Variants in RAD54L observed in about 807,000 individuals in gnomAD.
RAD54L encodes the protein RAD54 like.
Under a neutral mutation model 91.6 loss-of-function variants are expected in RAD54L, and 74 were observed. That is an observed-to-expected ratio of 0.81 (90% confidence interval 0.67 to 0.98). RAD54L has a LOEUF of 0.98. Among genes scored for constraint, RAD54L ranks in the 50% least tolerant of loss-of-function variants. The pLI is 0.00. For missense variants in RAD54L, 887 were observed against 945.7 expected, an observed-to-expected ratio of 0.94 and a Z score of 0.81; for synonymous variants, 304 against 349.7, an observed-to-expected ratio of 0.87 and a Z score of 1.46.
chr1:46,273,744 G>C lies in RAD54L; in HGVS notation c.1607G>C (p.Arg536Pro). 1.2e-6 allele frequency: 2 copies of C among 1,603,304 alleles called. No homozygotes were observed. The highest frequency in any genetic ancestry group is 1.7e-6 in the Non-Finnish European group (2 of 1,174,430). Residue 536 changes from arginine (R) to proline (P), a missense_variant, in exon 14 of 18, where the codon CGA (arginine) becomes CCA (proline). Coordinates refer to ENST00000371975, the MANE Select transcript of RAD54L (RefSeq NM_003579.4). ...LDLFEKLCRA[R>P]RYLYVRLDGT... ...CTCTTTGAGAAGCTGTGCCGTGCCC[G>C]AAGGTAGGGAAGATCCTAACCAGGA...
chr1:46,276,755 C>T (rs980315055), intron 16 of RAD54L, among the ~76,000 whole-genome samples: 6 of 152,186 alleles, frequency 3.9e-5, no homozygotes, highest in South Asian at 2.1e-4. Flanking sequence ...TTTTATTTTT[C>T]GTCTCTTCGA....
intron 16 of RAD54L, among the ~76,000 whole-genome samples, chr1:46,276,079 T>C (rs1430108460): frequency 6.6e-6 from 1 of 152,232 alleles, no homozygotes; most frequent in African/African-American, 2.4e-5. Flanking sequence ...TTACCTGAGC[T>C]CTAAATCCCT....
In RAD54L at chr1:46,247,879, C is replaced by A; in HGVS notation, c.-527C>A. On this transcript the variant is annotated 5_prime_UTR_variant, in exon 1 of 18. Coordinates refer to ENST00000371975, the MANE Select transcript of RAD54L (RefSeq NM_003579.4). ...CCCCTCCTAACCTGGGTTTTTTACA[C>A]GCCCGCGTGGCTTCCTGCTCGACCT... 4.4e-6 allele frequency: 1 copy of A among 228,196 alleles called. No individual in the cohort carries two copies. The highest frequency in any genetic ancestry group is 8.9e-6 in the Non-Finnish European group (1 of 112,828). 14.1% of individuals were successfully genotyped at this position (228,196 alleles called of 1,614,324 possible). A position where few individuals can be genotyped will look rare whatever the true frequency, so the allele number is the denominator to read the frequency against.
In RAD54L at chr1:46,267,606, C is replaced by T; in HGVS notation, c.1039C>T (p.Leu347=). Residue 347 remains leucine (L), a synonymous_variant, in exon 9 of 18, where the codon CTA becomes TTA. Transcript: ENST00000371975. ...GGTACATTTTGTTAATTCCGGCATC[C>T]TAGGTAAGAATCTAGCCTTGTTTGC... ...SLVHFVNSGI[L]GTAHEFKKHF... 6.2e-7 allele frequency: 1 copy of T among 1,609,790 alleles called. No homozygotes were observed. Among genetic ancestry groups the T allele is most frequent in the South Asian group, 1.1e-5 (1 of 90,996 alleles).
At position 46,273,748 on chromosome 1, in the gene RAD54L, G is replaced by A. The variant is rs766240074; in HGVS notation, c.1610+1G>A. The A allele has an allele frequency of 4.7e-5, 76 of 1,603,280 alleles. No individual in the cohort carries two copies. The highest frequency in any genetic ancestry group is 6.0e-5 in the Non-Finnish European group (71 of 1,174,488). On this transcript the variant is annotated splice_donor_variant, in intron 14 of 17. Transcript: ENST00000371975. LOFTEE classifies it high-confidence loss of function. ...TTGAGAAGCTGTGCCGTGCCCGAAG[G>A]TAGGGAAGATCCTAACCAGGATGCC...
intron 16 of RAD54L, among the ~76,000 whole-genome samples, chr1:46,276,185 A>G (rs1200331267): frequency 6.6e-6 from 1 of 152,040 alleles, no homozygotes; most frequent in Non-Finnish European, 1.5e-5. Context: ...TGATTGATTA[A>G]CTGATTGATT....
intron 3 of RAD54L, among the ~76,000 whole-genome samples, chr1:46,257,203 TTGA>T (rs369287497): frequency 6.7e-6 from 1 of 150,218 alleles, no homozygotes; most frequent in Non-Finnish European, 1.5e-5. Flanking sequence ...TTTCTAGACA[TTGA>T]TGATGTGTGA....
intron 14 of RAD54L, 58 bp from the exon 15 acceptor site, chr1:46,274,080 T>G (rs1660518250): frequency 6.7e-7 from 1 of 1,496,330 alleles, no homozygotes; most frequent in African/African-American, 1.4e-5. Flanking sequence ...TTATTTTTAA[T>G]TTTTTTTCCC....
At position 46,273,757 on chromosome 1, in the gene RAD54L, A is replaced by ATCCTAACC. The variant is rs1332476492; in HGVS notation, c.1610+11_1610+18dup. ...TGTGCCGTGCCCGAAGGTAGGGAAG[A>ATCCTAACC]TCCTAACCAGGATGCCAAAGGGGGA... On this transcript the variant is annotated intron_variant, in intron 14 of 17. Coordinates refer to ENST00000371975, the MANE Select transcript of RAD54L (RefSeq NM_003579.4). The ATCCTAACC allele has an allele frequency of 6.3e-7, 1 of 1,598,504 alleles. No individual in the cohort carries two copies. The highest frequency in any genetic ancestry group is 8.5e-7 in the Non-Finnish European group (1 of 1,171,914).
chr1:46,275,320 C>T (rs1437743518), intron 16 of RAD54L, among the ~76,000 whole-genome samples: 1 of 152,204 alleles, frequency 6.6e-6, no homozygotes, highest in East Asian at 1.9e-4. Context: ...TAAGATCACA[C>T]CGTGGAACTT....
chr1:46,274,766 T>G, intron 16 of RAD54L, 49 bp downstream of exon 16: 1 of 1,606,536 alleles, frequency 6.2e-7, no homozygotes, highest in Non-Finnish European at 8.5e-7. Context: ...TGGAACGAGA[T>G]CTTCAGGACC....
intron 3 of RAD54L, among the ~76,000 whole-genome samples, chr1:46,256,741 T>G (rs961825779): frequency 1.3e-5 from 2 of 152,216 alleles, no homozygotes; most frequent in East Asian, 3.8e-4. Flanking sequence ...GTTATGTTAT[T>G]TAGTGTGATG....
intron 3 of RAD54L, among the ~76,000 whole-genome samples, chr1:46,257,958 G>A (rs1487126689): frequency 6.6e-6 from 1 of 152,146 alleles, no homozygotes; most frequent in African/African-American, 2.4e-5. Flanking sequence ...CAGCTGTTAG[G>A]ATTAAATGGT....
At chr1:46,272,422 G>A in intron 10 of RAD54L, 44 bp from the exon 11 acceptor site, 3 of 1,498,848 alleles carry the variant, frequency 2.0e-6, no homozygotes, top group Non-Finnish European at 2.8e-6. Flanking sequence ...TAGTTAGCAT[G>A]GCAATTTTAC....
intron 5 of RAD54L, 149 bp downstream of exon 5, chr1:46,260,248 AAGAGCCTGTGG>A (rs1285793638): frequency 1.5e-6 from 2 of 1,300,612 alleles, no homozygotes; most frequent in African/African-American, 2.9e-5. Context: ...CTGCCTGGGG[AAGAGCCTGTGG>A]TCATGTCCAG....
chr1:46,250,269 G>C (rs766982647), intron 3 of RAD54L, 150 bp downstream of exon 3: 2 of 1,109,080 alleles, frequency 1.8e-6, no homozygotes, highest in Admixed American at 1.8e-5. Context: ...CAGCTGCTGG[G>C]GCCTGCTTAG....
chr1:46,254,279 T>C lies in RAD54L; in HGVS notation c.210+4160T>C, dbSNP rs138302718. 2.1e-3 allele frequency among the ~76,000 whole-genome samples: 311 copies of C among 151,514 alleles called. 4 individuals carry two copies. Among genetic ancestry groups the C allele is most frequent in the African/African-American group, 7.1e-3 (293 of 41,400 alleles). ...TGTGAGCTGCTGCATCTGGCCTCTT[T>C]TTTTTTCTTTTTTTTTTCTTTTTTT... On this transcript the variant is annotated intron_variant, in intron 3 of 17. Transcript: ENST00000371975.
rs778251154 is a variant in RAD54L, at chr1:46,260,831, C to G, written c.582C>G (p.Ile194Met). 9.3e-6 allele frequency: 15 copies of G among 1,614,240 alleles called. No homozygotes were observed. In the South Asian group the frequency reaches 1.5e-4, roughly 17 times the overall value. ...GCCTAGGAAAGACGCTGCAGTGCATCACATTGATGTGGACACTTTTACGCC... is the reference window on the plus strand; with the variant it reads ...GCCTAGGAAAGACGCTGCAGTGCATGACATTGATGTGGACACTTTTACGCC... ...EMGLGKTLQC[I>M]TLMWTLLRQS... is the part of the protein sequence containing the mutation. The change falls in exon 7 of 18, where the codon ATC (isoleucine) becomes ATG (methionine). Residue 194 changes from isoleucine to methionine, a missense_variant. Physicochemically the swap from Ile to Met is conservative, Grantham distance 10. Coordinates refer to ENST00000371975, the MANE Select transcript of RAD54L (RefSeq NM_003579.4).
At position 46,248,025 on chromosome 1, in the gene RAD54L, C is replaced by CA; in HGVS notation, c.-380dup. 1.3e-5 allele frequency: 4 copies of CA among 297,870 alleles called. No homozygotes were observed. The highest frequency in any genetic ancestry group is 2.0e-5 in the Non-Finnish European group (3 of 150,616). The allele number at this position is 297,870 out of a possible 1,614,324, so 18.5% of individuals were successfully genotyped here. A position where few individuals can be genotyped will look rare whatever the true frequency, so the allele number is the denominator to read the frequency against. On this transcript the variant is annotated 5_prime_UTR_variant, in exon 1 of 18. Transcript: ENST00000371975. Reference sequence around the variant, plus strand: ...TTCTCTCTCCTGGCCAGTGATTACCCACCCCCAATCCCACCCCGCCCCGCC... The same window carrying CA: ...TTCTCTCTCCTGGCCAGTGATTACCCAACCCCCAATCCCACCCCGCCCCGCC...
Sources: gnomAD v4.1 joint callset for allele counts (sites outside exome capture counted in the v4.1 genomes callset) on GRCh38, gnomAD v4.1.1 for gene constraint, MANE v1.5 for transcripts, NCBI Gene and HGNC (gene_info 2026-07-23, HGNC 2026-07-21) for gene names.